Variants in RCBTB1 observed in about 807,000 individuals in gnomAD.
RCBTB1 encodes the protein RCC1 and BTB domain-containing protein 1.
In RCBTB1, 46 loss-of-function variants were observed where a neutral mutation model predicts 62.4. That is an observed-to-expected ratio of 0.74 (90% CI 0.58 to 0.94). RCBTB1 has a LOEUF of 0.94. RCBTB1 is among the 40% of genes least tolerant of loss of function. The pLI, the probability that RCBTB1 is intolerant of heterozygous loss-of-function variation, is 0.00. For synonymous variants in RCBTB1, 222 were observed against 245.8 expected, an observed-to-expected ratio of 0.90 and a Z score of 0.91; for missense variants, 565 against 654.9, an observed-to-expected ratio of 0.86 and a Z score of 1.50.
At chr13:49,540,767 A>G (rs750340292) in intron 12 of RCBTB1, 109 bp downstream of exon 12, 7 of 1,206,434 alleles carry the variant, frequency 5.8e-6, no homozygotes, top group Non-Finnish European at 8.0e-6. Context: ...CTGATTCCCT[A>G]AACAGAAGTG....
intron 4 of RCBTB1, among the ~76,000 whole-genome samples, chr13:49,562,259 T>C (rs1962498637): frequency 6.6e-6 from 1 of 152,038 alleles, no homozygotes; most frequent in Admixed American, 6.6e-5. Flanking sequence ...ATGTTAAAAA[T>C]TTGACATAAG....
chr13:49,546,148 A>T, intron 9 of RCBTB1: 1 of 985,416 alleles, frequency 1.0e-6, no homozygotes, highest in Non-Finnish European at 1.2e-6. Context: ...CCCATCCAAA[A>T]AAAAACCCAC....
intron 12 of RCBTB1, among the ~76,000 whole-genome samples, chr13:49,540,004 T>C (rs1960225429): frequency 6.6e-6 from 1 of 152,192 alleles, no homozygotes; most frequent in Non-Finnish European, 1.5e-5. Context: ...ACAAAGTATC[T>C]GCAAGGATAG....
intron 12 of RCBTB1, among the ~76,000 whole-genome samples, chr13:49,540,025 AC>A (rs1960226783): frequency 6.6e-6 from 1 of 152,228 alleles, no homozygotes; most frequent in Non-Finnish European, 1.5e-5. Flanking sequence ...GCTAATTGTA[AC>A]ATTCTACATG....
chr13:49,564,707 C>T (rs1231978636), intron 4 of RCBTB1, among the ~76,000 whole-genome samples: 3 of 150,226 alleles, frequency 2.0e-5, no homozygotes, highest in African/African-American at 7.4e-5. Context: ...CTGGCTAACA[C>T]GGTGAAACCC....
chr13:49,550,175 C>T (rs1312565849), intron 8 of RCBTB1, among the ~76,000 whole-genome samples: 1 of 151,988 alleles, frequency 6.6e-6, no homozygotes, highest in African/African-American at 2.4e-5. Context: ...GACAGAGTCT[C>T]GCTATATTGC....
In RCBTB1 at chr13:49,534,363, C is replaced by T. The variant is rs9596134; in HGVS notation, c.1456-101G>A. 271 of 1,247,332 alleles carry T rather than the reference C, an allele frequency of 2.2e-4. 1 individual carries two copies. The African/African-American group carries it at 3.8e-3, about 18-fold the overall frequency. The allele number at this position is 1,247,332 out of a possible 1,614,324, so 77.3% of individuals were successfully genotyped here. A position where few individuals can be genotyped will look rare whatever the true frequency, so the allele number is the denominator to read the frequency against. On this transcript the variant is annotated intron_variant, in intron 12 of 12. Transcript: ENST00000378302. ...TTTACCCCAAATCTCTCACCCTCCCCCAGAAAAGATATTTGAGAGGCCAGA... is the reference window on the plus strand; with the variant it reads ...TTTACCCCAAATCTCTCACCCTCCCTCAGAAAAGATATTTGAGAGGCCAGA...
At position 49,532,448 on chromosome 13, in the gene RCBTB1, G is replaced by A. The variant is rs3186024; in HGVS notation, c.*1674C>T. Reference sequence around the variant, plus strand: ...ATTTTGCTCAGATCATAAGCCTATAGAACAGTGATTGTTACAAACACCACC... The same window carrying A: ...ATTTTGCTCAGATCATAAGCCTATAAAACAGTGATTGTTACAAACACCACC... On this transcript the variant is annotated 3_prime_UTR_variant, in exon 13 of 13. Coordinates refer to ENST00000378302, the MANE Select transcript of RCBTB1 (RefSeq NM_018191.4). The A allele has an allele frequency of 0.48, 72,578 of 152,368 alleles. 17,715 individuals carry two copies. Among genetic ancestry groups the A allele is most frequent in the Middle Eastern group, 0.59 (174 of 294 alleles). 9.4% of individuals were successfully genotyped at this position (152,368 alleles called of 1,614,324 possible). A position where few individuals can be genotyped will look rare whatever the true frequency, so the allele number is the denominator to read the frequency against.
chr13:49,582,123 T>G (rs1009474270), intron 1 of RCBTB1, among the ~76,000 whole-genome samples: 2 of 152,156 alleles, frequency 1.3e-5, no homozygotes, highest in Non-Finnish European at 2.9e-5. Flanking sequence ...AGTAGAAACA[T>G]CAAAGAGGAG....
chr13:49,584,724 C>G (rs1339337106), intron 1 of RCBTB1, among the ~76,000 whole-genome samples: 1 of 152,204 alleles, frequency 6.6e-6, no homozygotes, highest in Non-Finnish European at 1.5e-5. Flanking sequence ...AGCATTATTA[C>G]AAGACTGCTT....
intron 12 of RCBTB1, among the ~76,000 whole-genome samples, chr13:49,540,277 G>C (rs1960246183): frequency 6.6e-6 from 1 of 152,096 alleles, no homozygotes; most frequent in African/African-American, 2.4e-5. Context: ...CTGATGCTTT[G>C]GTTCTTCAAA....
intron 4 of RCBTB1, among the ~76,000 whole-genome samples, chr13:49,564,295 A>G (rs1327825775): frequency 2.0e-5 from 3 of 152,202 alleles, no homozygotes; most frequent in Non-Finnish European, 4.4e-5. Flanking sequence ...TATGTTTAGA[A>G]AAATGTACCG....
At chr13:49,558,750 T>C (rs2139223281) in intron 5 of RCBTB1, among the ~76,000 whole-genome samples, 1 of 136,250 alleles carries the variant, frequency 7.3e-6, no homozygotes, top group Non-Finnish European at 1.6e-5. Context: ...TACAAATGCA[T>C]AACAATAAAC....
At chr13:49,564,478 C>T (rs1486885956) in intron 4 of RCBTB1, among the ~76,000 whole-genome samples, 1 of 145,412 alleles carries the variant, frequency 6.9e-6, no homozygotes, top group Admixed American at 7.1e-5. Context: ...CTCAGCTACT[C>T]GGGAGGTTGA....
chr13:49,540,149 G>A (rs1028675788), intron 12 of RCBTB1, among the ~76,000 whole-genome samples: 4 of 152,152 alleles, frequency 2.6e-5, no homozygotes, highest in African/African-American at 9.7e-5. Flanking sequence ...CATCCTTAAT[G>A]CTTCCTTTAA....
At chr13:49,557,337 TGGAGGAACAAAAA>T (rs1426455215) in intron 5 of RCBTB1, among the ~76,000 whole-genome samples, 1 of 151,464 alleles carries the variant, frequency 6.6e-6, no homozygotes, top group African/African-American at 2.4e-5. Flanking sequence ...AGGAACAAAA[TGGAGGAACAAAAA>T]GGCAAAGGAA....
intron 9 of RCBTB1, among the ~76,000 whole-genome samples, chr13:49,548,765 A>G (rs1961045338): frequency 1.3e-5 from 2 of 151,884 alleles, no homozygotes; most frequent in Admixed American, 1.3e-4. Context: ...TAGAAACAAA[A>G]AGCAAACTAG....
intron 4 of RCBTB1, 82 bp downstream of exon 4, chr13:49,566,536 G>T: frequency 1.5e-6 from 2 of 1,307,230 alleles, no homozygotes; most frequent in Non-Finnish European, 2.1e-6. Context: ...TCAGTTATCT[G>T]GTATAGCCCT....
In RCBTB1 at chr13:49,576,531, C is replaced by T. The variant is rs540955981; in HGVS notation, c.-42+3974G>A. Among the ~76,000 whole-genome samples the T allele has an allele frequency of 8.6e-4, 131 of 152,236 alleles. 1 individual carries two copies. The highest frequency in any genetic ancestry group is 3.0e-3 in the African/African-American group (123 of 41,564). On this transcript the variant is annotated intron_variant, in intron 2 of 12. Coordinates refer to ENST00000378302, the MANE Select transcript of RCBTB1 (RefSeq NM_018191.4). ...AAGTTCAGATTAGGGAAATTCTCAA[C>T]GGAGCATTTATAAAAGAAATATAGC...
Sources: allele counts gnomAD v4.1 joint callset (sites outside exome capture counted in the v4.1 genomes callset), GRCh38; gene constraint gnomAD v4.1.1; transcripts MANE v1.5; gene names NCBI Gene and HGNC (gene_info 2026-07-23, HGNC 2026-07-21).